Variants in MAGI2 observed in about 807,000 individuals in gnomAD.
MAGI2 encodes the protein membrane associated guanylate kinase, WW and PDZ domain containing 2.
In MAGI2, 35 loss-of-function variants were observed where a neutral mutation model predicts 133.3. That is an observed-to-expected ratio of 0.26 (90% confidence interval 0.20 to 0.35). MAGI2 has a LOEUF of 0.35. Ranked by LOEUF, MAGI2 falls within the 10% of genes least tolerant of loss-of-function variation. MAGI2 has a pLI of 1.00. For synonymous variants in MAGI2, 729 were observed against 710.6 expected, an observed-to-expected ratio of 1.03 and a Z score of -0.41; for missense variants, 1,636 against 1,863.4, an observed-to-expected ratio of 0.88 and a Z score of 2.25.
At chr7:78,842,801 A>G (rs1353677580) in intron 2 of MAGI2, among the ~76,000 whole-genome samples, 2 of 151,950 alleles carry the variant, frequency 1.3e-5, no homozygotes, top group African/African-American at 4.8e-5. Flanking sequence ...GAGTATCAAA[A>G]TCTAAATTTC....
chr7:79,044,915 A>T (rs536810297), intron 1 of MAGI2, among the ~76,000 whole-genome samples: 5 of 152,348 alleles, frequency 3.3e-5, no homozygotes, highest in Non-Finnish European at 7.3e-5. Context: ...CTACACTGCA[A>T]TTCTAATCCT....
intron 1 of MAGI2, chr7:79,012,236 TC>T (rs1808235113): frequency 6.6e-6 from 1 of 152,130 alleles, no homozygotes; most frequent in Non-Finnish European, 1.5e-5. Context: ...TCTCCAACTT[TC>T]CCTTTCTTGT....
chr7:78,454,846 T>G (rs933886810), intron 6 of MAGI2, among the ~76,000 whole-genome samples: 1 of 152,150 alleles, frequency 6.6e-6, no homozygotes, highest in African/African-American at 2.4e-5. Context: ...TTCAACTATG[T>G]GACATTCTGG....
At chr7:78,041,467 G>A (rs922690919) in intron 21 of MAGI2, among the ~76,000 whole-genome samples, 1 of 152,120 alleles carries the variant, frequency 6.6e-6, no homozygotes. Context: ...CTTGAGCCCA[G>A]GAGTTTGAGA....
intron 1 of MAGI2, among the ~76,000 whole-genome samples, chr7:79,438,930 G>A (rs1848321328): frequency 6.6e-6 from 1 of 152,046 alleles, no homozygotes; most frequent in Admixed American, 6.6e-5. Flanking sequence ...ACAGTATAAT[G>A]TCCATAGGCT....
At chr7:78,869,223 T>C (rs1460066392) in intron 2 of MAGI2, among the ~76,000 whole-genome samples, 1 of 152,222 alleles carries the variant, frequency 6.6e-6, no homozygotes, top group Non-Finnish European at 1.5e-5. Context: ...AGCTTTTTAG[T>C]TTAATTGGGT....
intron 2 of MAGI2, among the ~76,000 whole-genome samples, chr7:78,919,621 A>C (rs574367009): frequency 3.9e-5 from 6 of 152,248 alleles, no homozygotes; most frequent in African/African-American, 1.4e-4. Context: ...AATTAGTGAA[A>C]AAATGGACTT....
intron 10 of MAGI2, among the ~76,000 whole-genome samples, chr7:78,228,558 A>T (rs978859445): frequency 6.6e-6 from 1 of 152,262 alleles, no homozygotes; most frequent in Admixed American, 6.5e-5. Context: ...CAACATCAAC[A>T]GCAGAGACTC....
intron 16 of MAGI2, 105 bp downstream of exon 16, chr7:78,159,920 A>G: frequency 7.1e-7 from 1 of 1,417,968 alleles, no homozygotes; most frequent in South Asian, 1.6e-5. Flanking sequence ...CAGGCTATAC[A>G]GTATGTCCGT....
chr7:78,240,556 A>G (rs1791029248), intron 10 of MAGI2, among the ~76,000 whole-genome samples: 1 of 152,224 alleles, frequency 6.6e-6, no homozygotes, highest in Non-Finnish European at 1.5e-5. Context: ...CAAATACTGC[A>G]TGATCTTACT....
intron 2 of MAGI2, among the ~76,000 whole-genome samples, chr7:78,646,976 TA>T (rs1810959477): frequency 6.6e-6 from 1 of 152,236 alleles, no homozygotes; most frequent in South Asian, 2.1e-4. Flanking sequence ...GAATATAAAT[TA>T]CTATAACCGC....
At chr7:78,299,341 A>G (rs1030818669) in intron 9 of MAGI2, among the ~76,000 whole-genome samples, 2 of 152,190 alleles carry the variant, frequency 1.3e-5, no homozygotes, top group Non-Finnish European at 2.9e-5. Context: ...CAATGTTGCT[A>G]TCTAGCAGGA....
intron 2 of MAGI2, among the ~76,000 whole-genome samples, chr7:78,849,203 G>A (rs1005627015): frequency 4.6e-5 from 7 of 151,976 alleles, no homozygotes; most frequent in South Asian, 2.1e-4. Flanking sequence ...CTTTTTAGAC[G>A]CTTACTGGCT....
At chr7:78,382,485 C>A (rs867240667) in intron 6 of MAGI2, among the ~76,000 whole-genome samples, 38 of 152,192 alleles carry the variant, frequency 2.5e-4, no homozygotes, top group Middle Eastern at 3.4e-3. Flanking sequence ...ACTAGGGTTT[C>A]ATCGTACAGC....
At chr7:79,314,385 G>A (rs921496140) in intron 1 of MAGI2, among the ~76,000 whole-genome samples, 2 of 152,086 alleles carry the variant, frequency 1.3e-5, no homozygotes, top group African/African-American at 2.4e-5. Flanking sequence ...CTGAGATTAC[G>A]GGAATAAGCC....
rs547596419 is a variant in MAGI2, at chr7:78,215,787, A to C, written c.2048-14594T>G. Among the ~76,000 whole-genome samples, 3 of 152,220 alleles carry C rather than the reference A, an allele frequency of 2.0e-5. No individual in the cohort carries two copies. The East Asian group carries it at 5.8e-4, about 29-fold the overall frequency. ...AAGTGGAGGCTAATTTTTATTAATG[A>C]GTTGAGTGAACATATCTCTAATGAA... On this transcript the variant is annotated intron_variant, in intron 10 of 21. Transcript: ENST00000354212.
intron 1 of MAGI2, among the ~76,000 whole-genome samples, chr7:79,391,488 C>CATATATATATATATAGACATATAT (rs1844603495): frequency 8.4e-6 from 1 of 119,336 alleles, no homozygotes; most frequent in Non-Finnish European, 1.8e-5. Flanking sequence ...TTACCTTTAA[C>CATATATATATATATAGACATATAT]ATATATATAT....
intron 3 of MAGI2, among the ~76,000 whole-genome samples, chr7:78,593,428 C>T (rs1324442780): frequency 2.0e-5 from 3 of 152,118 alleles, no homozygotes; most frequent in African/African-American, 7.2e-5. Flanking sequence ...CAGTTTGAAA[C>T]GCAGAGTAAC....
At position 79,153,306 on chromosome 7, in the gene MAGI2, C is replaced by T. The variant is rs140267299; in HGVS notation, c.302-146100G>A. On this transcript the variant is annotated intron_variant, in intron 1 of 21. Coordinates refer to ENST00000354212, the MANE Select transcript of MAGI2 (RefSeq NM_012301.4). ...TGGCAACTGTTCATTGAATGCCCACCAGGCTCTGAGCACCACTGGCGAGCA... is the reference window on the plus strand; with the variant it reads ...TGGCAACTGTTCATTGAATGCCCACTAGGCTCTGAGCACCACTGGCGAGCA... Among the ~76,000 whole-genome samples the T allele has an allele frequency of 5.0e-3, 757 of 152,138 alleles. 3 individuals carry two copies. The highest frequency in any genetic ancestry group is 7.6e-3 in the Non-Finnish European group (518 of 68,020).
Sources: gnomAD v4.1 joint callset for allele counts (sites outside exome capture counted in the v4.1 genomes callset) on GRCh38, gnomAD v4.1.1 for gene constraint, MANE v1.5 for transcripts, NCBI Gene and HGNC (gene_info 2026-07-23, HGNC 2026-07-21) for gene names.